The following RPA3 variants were observed in gnomAD, a reference collection of about 807,000 sequenced individuals.
RPA3 encodes replication protein A 14 kDa subunit.
A neutral mutation model predicts 13.7 loss-of-function variants in RPA3; 24 were observed. The observed-to-expected ratio is 1.75, with a 90% CI of 1.27 to 2.46. RPA3 has a LOEUF of 2.46. Among genes scored for constraint, RPA3 ranks in the 30% most tolerant of loss-of-function variants. The probability of loss-of-function intolerance (pLI) is 0.00; values close to 1 mark genes in which losing one functional copy is unlikely to be tolerated. For synonymous variants in RPA3, 59 were observed against 51.2 expected, an observed-to-expected ratio of 1.15 and a Z score of -0.65; for missense variants, 183 against 151.0, an observed-to-expected ratio of 1.21 and a Z score of -1.11.
In RPA3 at chr7:7,639,124, C is replaced by T. The variant is rs1358655796; in HGVS notation, c.120G>A (p.Met40Ile). 2 of 1,611,410 alleles carry T rather than the reference C, an allele frequency of 1.2e-6. No individual in the cohort carries two copies. The highest frequency in any genetic ancestry group is 2.2e-5 in the East Asian group (1 of 44,750). Residue 40 changes from methionine to isoleucine, a missense_variant, in exon 6 of 8, where the codon ATG becomes ATA. Physicochemically the swap from Met to Ile is conservative, Grantham distance 10. Transcript: ENST00000223129. ...TTCCTTCTCCATCTGAAAGAATAAA[C>T]ATTTTTCCGGTGGGATGAATCTAAA... ...RLEKIHPTGKMFILSDGEGKN... is the reference protein window; with the variant it reads ...RLEKIHPTGKIFILSDGEGKN...
At chr7:7,647,403 A>G (rs931224882) in intron 4 of RPA3, among the ~76,000 whole-genome samples, 1 of 152,216 alleles carries the variant, frequency 6.6e-6, no homozygotes, top group Non-Finnish European at 1.5e-5. Flanking sequence ...TTTAAGGCTT[A>G]TTAGGAACAT....
intron 4 of RPA3, among the ~76,000 whole-genome samples, chr7:7,674,927 A>G (rs1300715843): frequency 6.6e-6 from 1 of 152,102 alleles, no homozygotes; most frequent in African/African-American, 2.4e-5. Flanking sequence ...ACTCTGTTAT[A>G]TATTCCTGAT....
intron 4 of RPA3, among the ~76,000 whole-genome samples, chr7:7,659,785 G>C (rs1159879250): frequency 6.6e-6 from 1 of 152,182 alleles, no homozygotes; most frequent in African/African-American, 2.4e-5. Flanking sequence ...CTGTTAATTT[G>C]GGGTGGAGTG....
chr7:7,658,587 G>C (rs1378067588), intron 4 of RPA3, among the ~76,000 whole-genome samples: 1 of 152,134 alleles, frequency 6.6e-6, no homozygotes, highest in Non-Finnish European at 1.5e-5. Flanking sequence ...TTTTGTCATT[G>C]ACTCTGTTTA....
rs796788478 is a variant in RPA3 at position 7,716,410 on chromosome 7, C to A, written c.-1079-1184G>T. 6.6e-5 allele frequency among the ~76,000 whole-genome samples: 10 copies of A among 152,336 alleles called. No individual in the cohort carries two copies. In the South Asian group the frequency reaches 1.7e-3, roughly 25 times the overall value. Reference sequence around the variant, plus strand: ...TTTAAATAAAAAGCAGCCCCCAAATCATTTCTTTTCTAACAAAAGAGCAGC... The same window carrying A: ...TTTAAATAAAAAGCAGCCCCCAAATAATTTCTTTTCTAACAAAAGAGCAGC... On this transcript the variant is annotated intron_variant, in intron 1 of 7. Coordinates refer to ENST00000223129, the MANE Select transcript of RPA3 (RefSeq NM_002947.5).
intron 7 of RPA3, 130 bp downstream of exon 7, chr7:7,637,734 T>C (rs1784887862): frequency 2.0e-6 from 1 of 496,160 alleles, no homozygotes; most frequent in Non-Finnish European, 3.6e-6. Flanking sequence ...CATACAGTTA[T>C]ATAAAACTGT....
chr7:7,717,413 C>G (rs543737128), intron 1 of RPA3, among the ~76,000 whole-genome samples: 2 of 152,194 alleles, frequency 1.3e-5, no homozygotes, highest in African/African-American at 2.4e-5. Context: ...TGTGTGTCCT[C>G]GTCCTTCAGT....
intron 4 of RPA3, among the ~76,000 whole-genome samples, chr7:7,660,539 T>A (rs550228940): frequency 6.6e-6 from 1 of 152,180 alleles, no homozygotes; most frequent in Non-Finnish European, 1.5e-5. Context: ...TGTAAAGGAT[T>A]TTATTTCTCA....
intron 4 of RPA3, among the ~76,000 whole-genome samples, chr7:7,648,166 G>C (rs1239829062): frequency 2.6e-5 from 4 of 152,150 alleles, no homozygotes; most frequent in African/African-American, 9.7e-5. Context: ...AAGTCATTTC[G>C]TTCTAAATCA....
chr7:7,666,620 G>A (rs1204150320), intron 4 of RPA3, among the ~76,000 whole-genome samples: 1 of 151,884 alleles, frequency 6.6e-6, no homozygotes, highest in Non-Finnish European at 1.5e-5. Flanking sequence ...TCCTTGTGGT[G>A]GTTTGCTGTT....
At chr7:7,696,797 A>G (rs1780330101) in intron 2 of RPA3, among the ~76,000 whole-genome samples, 4 of 151,984 alleles carry the variant, frequency 2.6e-5, no homozygotes, top group Admixed American at 1.3e-4. Context: ...GGCCCTGTGA[A>G]ACCACACTAA....
chr7:7,686,772 G>A (rs940044949), intron 3 of RPA3, among the ~76,000 whole-genome samples: 5 of 152,176 alleles, frequency 3.3e-5, no homozygotes, highest in African/African-American at 1.2e-4. Flanking sequence ...CCGTTTTCCA[G>A]TTAGGTGTGA....
At chr7:7,659,842 G>A (rs945524337) in intron 4 of RPA3, among the ~76,000 whole-genome samples, 1 of 152,128 alleles carries the variant, frequency 6.6e-6, no homozygotes, top group African/African-American at 2.4e-5. Context: ...CCAAGTTCAA[G>A]TCCTGAATAT....
intron 4 of RPA3, chr7:7,673,540 ATTTC>A: frequency 1.5e-6 from 1 of 646,686 alleles, no homozygotes; most frequent in East Asian, 2.7e-5. Flanking sequence ...ATTTTAAATT[ATTTC>A]TTATAATTTC....
rs1464684703 is a variant in RPA3 at position 7,640,997 on chromosome 7, G to A, written c.-579C>T. ...CTCTTGCCAGTTCTGCGTGGGAGGCGCGGGAGTTTTGCGGAATGATACGTG... is the reference window on the plus strand; with the variant it reads ...CTCTTGCCAGTTCTGCGTGGGAGGCACGGGAGTTTTGCGGAATGATACGTG... On this transcript the variant is annotated 5_prime_UTR_variant, in exon 5 of 8. Transcript: ENST00000223129. 6.5e-6 allele frequency: 1 copy of A among 153,394 alleles called. No homozygotes were observed. The highest frequency in any genetic ancestry group is 1.5e-5 in the Non-Finnish European group (1 of 68,496). The allele number at this position is 153,394 out of a possible 1,614,324, so 9.5% of individuals were successfully genotyped here.
At chr7:7,648,600 C>T (rs1178892164) in intron 4 of RPA3, among the ~76,000 whole-genome samples, 4 of 152,258 alleles carry the variant, frequency 2.6e-5, no homozygotes, top group Admixed American at 6.5e-5. Context: ...CCTGTAATCC[C>T]AGCACTTTGG....
intron 4 of RPA3, among the ~76,000 whole-genome samples, chr7:7,654,189 A>G (rs909277707): frequency 2.0e-5 from 3 of 152,238 alleles, no homozygotes; most frequent in African/African-American, 7.2e-5. Flanking sequence ...CAACAAAACC[A>G]AAACCTTCCC....
At chr7:7,716,173 A>G (rs911548131) in intron 1 of RPA3, among the ~76,000 whole-genome samples, 1 of 152,198 alleles carries the variant, frequency 6.6e-6, no homozygotes, top group Non-Finnish European at 1.5e-5. Context: ...AGCTGCAAAA[A>G]TTACTCATGC....
In RPA3 at chr7:7,652,109, G is replaced by A. The variant is rs148622783; in HGVS notation, c.-757-10934C>T. Among the ~76,000 whole-genome samples the A allele has an allele frequency of 1.4e-3, 215 of 152,326 alleles. 2 individuals are homozygous for A. The highest frequency in any genetic ancestry group is 4.8e-3 in the African/African-American group (199 of 41,572). On this transcript the variant is annotated intron_variant, in intron 4 of 7. Coordinates refer to ENST00000223129, the MANE Select transcript of RPA3 (RefSeq NM_002947.5). Reference sequence around the variant, plus strand: ...TGTCTGGCAGTCTTTTTTTCTGGTAGATATAGCTCTTGTATTTTATAATTA... The same window carrying A: ...TGTCTGGCAGTCTTTTTTTCTGGTAAATATAGCTCTTGTATTTTATAATTA...
Sources: allele counts gnomAD v4.1 joint callset (sites outside exome capture counted in the v4.1 genomes callset), GRCh38; gene constraint gnomAD v4.1.1; transcripts MANE v1.5; gene names NCBI Gene and HGNC (gene_info 2026-07-23, HGNC 2026-07-21).